Variants in RNFT1 observed in about 807,000 individuals in gnomAD.
RNFT1 encodes the protein ring finger protein, transmembrane 1.
A neutral mutation model predicts 53.2 loss-of-function variants in RNFT1; 35 were observed. The ratio of observed to expected loss-of-function variants is 0.66; its 90% CI spans 0.50 to 0.87. The LOEUF (loss-of-function observed/expected upper bound fraction) is 0.87. Ranked by LOEUF, RNFT1 falls within the 40% of genes least tolerant of loss-of-function variation. The pLI is 0.00. For missense variants in RNFT1, 421 were observed against 515.0 expected, an observed-to-expected ratio of 0.82 and a Z score of 1.77; for synonymous variants, 141 against 172.8, an observed-to-expected ratio of 0.82 and a Z score of 1.44.
intron 8 of RNFT1, 148 bp downstream of exon 8, chr17:59,953,895 CTT>C (rs2145113950): frequency 1.9e-6 from 1 of 524,988 alleles, no homozygotes; most frequent in African/African-American, 2.0e-5. Context: ...AGGGACAAAA[CTT>C]AGCCAATCCA....
At position 59,960,113 on chromosome 17, in the gene RNFT1, G is replaced by C; in HGVS notation, c.647C>G (p.Ser216Cys). The C allele has an allele frequency of 6.2e-7, 1 of 1,610,460 alleles. No individual in the cohort carries two copies. The highest frequency in any genetic ancestry group is 2.2e-5 in the East Asian group (1 of 44,730). Residue 216 changes from serine (S) to cysteine (C), a missense_variant, in exon 4 of 9, where the codon TCT becomes TGT. Coordinates refer to ENST00000305783, the MANE Select transcript of RNFT1 (RefSeq NM_016125.4). Reference protein sequence around the residue: ...AWLLVFLAGSSVLLYYTFHSQ... With the variant: ...AWLLVFLAGSCVLLYYTFHSQ... ...ATGAAAGGTGTAATATAAAAGAACA[G>C]AAGATCCTGCTAAGAATACCAGTAA...
At chr17:59,963,444 G>A (rs2045310590) in intron 1 of RNFT1, among the ~76,000 whole-genome samples, 160 bp from the exon 2 acceptor site, 1 of 151,718 alleles carries the variant, frequency 6.6e-6, no homozygotes, top group Admixed American at 6.6e-5. Flanking sequence ...CTCCCTTAAT[G>A]CCAAGGCTCT....
chr17:59,960,242 T>C (rs1285273868), intron 3 of RNFT1, 74 bp from the exon 4 acceptor site: 27 of 1,429,072 alleles, frequency 1.9e-5, no homozygotes, highest in African/African-American at 1.4e-5. Context: ...TGTTTTACTT[T>C]AATGACTATT....
intron 6 of RNFT1, among the ~76,000 whole-genome samples, 198 bp downstream of exon 6, chr17:59,957,026 T>C (rs1295961849): frequency 3.3e-5 from 5 of 152,210 alleles, no homozygotes; most frequent in African/African-American, 1.2e-4. Flanking sequence ...TCCCCTTCCC[T>C]CCAGTGAAAC....
chr17:59,952,829 C>A lies in RNFT1; in HGVS notation c.*148G>T. ...AAAACACAGGGTGGTTTCATTTAAT[C>A]TTTTGGTGAATTGGATCATAAGTCC... is the stretch of plus-strand genomic sequence containing the variant. On this transcript the variant is annotated 3_prime_UTR_variant, in exon 9 of 9. Transcript: ENST00000305783. 1.5e-6 allele frequency: 1 copy of A among 650,236 alleles called. No homozygotes were observed. The highest frequency in any genetic ancestry group is 3.2e-5 in the Admixed American group (1 of 30,980). The allele number at this position is 650,236 out of a possible 1,614,324, so 40.3% of individuals were successfully genotyped here. A position where few individuals can be genotyped will look rare whatever the true frequency, so the allele number is the denominator to read the frequency against.
At chr17:59,958,255 A>T in intron 5 of RNFT1, 36 bp downstream of exon 5, 3 of 1,550,882 alleles carry the variant, frequency 1.9e-6, no homozygotes, top group Non-Finnish European at 2.6e-6. Flanking sequence ...GTGATTCGAT[A>T]ACATCACTCC....
intron 1 of RNFT1, 85 bp from the exon 2 acceptor site, chr17:59,963,369 T>C (rs4968401): frequency 0.53 from 604,585 of 1,134,166 alleles, 167,177 homozygotes; most frequent in South Asian, 0.57. Context: ...CTTTATTCAC[T>C]AAAGGAGTAG....
At chr17:59,962,286 CTT>C (rs1415209588) in intron 3 of RNFT1, 3 of 358,528 alleles carry the variant, frequency 8.4e-6, no homozygotes, top group Non-Finnish European at 1.5e-5. Flanking sequence ...TGTTCTAACT[CTT>C]TTAATCCTTT....
chr17:59,960,314 G>A, intron 3 of RNFT1, 146 bp from the exon 4 acceptor site: 6 of 827,032 alleles, frequency 7.3e-6, no homozygotes, highest in Non-Finnish European at 1.0e-5. Flanking sequence ...AATCATCACA[G>A]TTACTGTTTT....
chr17:59,964,695 C>G lies in RNFT1; in HGVS notation c.-32G>C. ...CCTCCAGCCCTTCAGTCGGGGCCAT[C>G]AACCGCAAACCCCGCAAGCTCTTCT... On this transcript the variant is annotated 5_prime_UTR_variant, in exon 1 of 9. Transcript: ENST00000305783. 1.3e-6 allele frequency: 2 copies of G among 1,580,594 alleles called. No individual in the cohort carries two copies. The highest frequency in any genetic ancestry group is 1.7e-6 in the Non-Finnish European group (2 of 1,163,258).
chr17:59,954,956 T>C (rs980355055), intron 7 of RNFT1, among the ~76,000 whole-genome samples: 9 of 152,166 alleles, frequency 5.9e-5, no homozygotes, highest in Non-Finnish European at 1.3e-4. Flanking sequence ...ACTTAGTCAT[T>C]AACTAGATGT....
At chr17:59,961,583 T>C (rs2045292467) in intron 3 of RNFT1, among the ~76,000 whole-genome samples, 1 of 151,880 alleles carries the variant, frequency 6.6e-6, no homozygotes, top group African/African-American at 2.4e-5. Context: ...TCATTTTCTC[T>C]CTTTTTTTTT....
At chr17:59,960,816 A>C (rs1272476813) in intron 3 of RNFT1, among the ~76,000 whole-genome samples, 1 of 151,992 alleles carries the variant, frequency 6.6e-6, no homozygotes, top group African/African-American at 2.4e-5. Flanking sequence ...CCGTCTCAGA[A>C]AAAAAATGGA....
At chr17:59,959,437 C>T (rs1414126584) in intron 4 of RNFT1, 1 of 152,192 alleles carries the variant, frequency 6.6e-6, no homozygotes, top group African/African-American at 2.4e-5. Flanking sequence ...GACATGGAGA[C>T]TTATCAGCTA....
Position 59,952,817 on chromosome 17 carries a change from G to C in RNFT1, c.*160C>G, listed in dbSNP as rs2080808548. The C allele has an allele frequency of 1.7e-6, 1 of 583,210 alleles. No homozygotes were observed. Among genetic ancestry groups the C allele is most frequent in the Admixed American group, 3.3e-5 (1 of 30,290 alleles). The allele number at this position is 583,210 out of a possible 1,614,324, so 36.1% of individuals were successfully genotyped here. On this transcript the variant is annotated 3_prime_UTR_variant, in exon 9 of 9. Coordinates refer to ENST00000305783, the MANE Select transcript of RNFT1 (RefSeq NM_016125.4). ...TATATATATTTTAAAACACAGGGTG[G>C]TTTCATTTAATCTTTTGGTGAATTG...
intron 7 of RNFT1, among the ~76,000 whole-genome samples, chr17:59,955,453 C>A (rs1437463941): frequency 6.6e-6 from 1 of 152,164 alleles, no homozygotes; most frequent in Non-Finnish European, 1.5e-5. Context: ...GATATCCTCT[C>A]TGTAGTTTGT....
chr17:59,953,026 A>T lies in RNFT1; in HGVS notation c.1259T>A (p.Ile420Lys). Residue 420 changes from isoleucine (I) to lysine (K), a missense_variant, in exon 9 of 9, where the codon ATA (isoleucine) becomes AAA (lysine). By Grantham distance (102) the Ile-to-Lys change is moderately radical. Coordinates refer to ENST00000305783, the MANE Select transcript of RNFT1 (RefSeq NM_016125.4). Reference sequence around the variant, plus strand: ...AGTGGCTCCATCCTTCCATTTGTTTATATGGTCTGAAATCACAGTTCTGCA... The same window carrying T: ...AGTGGCTCCATCCTTCCATTTGTTTTTATGGTCTGAAATCACAGTTCTGCA... The part of the protein sequence containing the change: ...PLCRTVISDH[I>K]NKWKDGATSS... The T allele has an allele frequency of 1.2e-6, 2 of 1,613,564 alleles. No individual in the cohort carries two copies. The highest frequency in any genetic ancestry group is 2.2e-5 in the South Asian group (2 of 91,066).
rs765412498 is a variant in RNFT1 at position 59,962,558 on chromosome 17, T to C, written c.573A>G (p.Val191=). Residue 191 remains valine (V), a synonymous_variant, in exon 3 of 9, where the codon GTA becomes GTG. Transcript: ENST00000305783. ...TACTTACTCTTAGAAAAACCTGATT[T>C]ACAATGCTTTTGTTTGCATACATAA... ...TTFMYANKSI[V]NQVFLRERSS... The C allele has an allele frequency of 5.0e-6, 8 of 1,605,990 alleles. No homozygotes were observed. Among genetic ancestry groups the C allele is most frequent in the Non-Finnish European group, 5.9e-6 (7 of 1,177,148 alleles).
intron 1 of RNFT1, among the ~76,000 whole-genome samples, chr17:59,964,354 A>C (rs1431818113): frequency 6.6e-6 from 1 of 152,212 alleles, no homozygotes; most frequent in Non-Finnish European, 1.5e-5. Flanking sequence ...TTATTTCGTC[A>C]AAACTGAAGA....
Sources: allele counts gnomAD v4.1 joint callset (sites outside exome capture counted in the v4.1 genomes callset), GRCh38; gene constraint gnomAD v4.1.1; transcripts MANE v1.5; gene names NCBI Gene and HGNC (gene_info 2026-07-23, HGNC 2026-07-21).